The following ABHD17B variants were observed in gnomAD, a reference collection of about 807,000 sequenced individuals.
ABHD17B encodes the protein alpha/beta hydrolase domain-containing protein 17B.
In ABHD17B, 9 loss-of-function variants were observed where a neutral mutation model predicts 26.2. The ratio of observed to expected loss-of-function variants is 0.34; its 90% CI spans 0.21 to 0.60. The LOEUF (loss-of-function observed/expected upper bound fraction) is 0.60. Ranked by LOEUF, ABHD17B falls within the 20% of genes least tolerant of loss-of-function variation. The pLI is 0.80. For missense variants in ABHD17B, 224 were observed against 352.1 expected, an observed-to-expected ratio of 0.64 and a Z score of 2.91; for synonymous variants, 127 against 122.3, an observed-to-expected ratio of 1.04 and a Z score of -0.25.
At chr9:71,905,248 G>A (rs1827251402) in intron 1 of ABHD17B, among the ~76,000 whole-genome samples, 1 of 150,902 alleles carries the variant, frequency 6.6e-6, no homozygotes, top group Non-Finnish European at 1.5e-5. Flanking sequence ...TCAGCCTCCT[G>A]AGTAGCTGGG....
In ABHD17B at chr9:71,865,973, T is replaced by C; in HGVS notation, c.*814A>G. On this transcript the variant is annotated 3_prime_UTR_variant, in exon 4 of 4. Transcript: ENST00000333421. ...TTTCATACAATGAAGACTACTGCAA[T>C]TCTATGAAGACTATGAGATCAGTCA... 5.1e-6 allele frequency: 5 copies of C among 985,336 alleles called. No homozygotes were observed. In the South Asian group the frequency reaches 1.4e-4, roughly 28 times the overall value. The allele number at this position is 985,336 out of a possible 1,614,324, so 61.0% of individuals were successfully genotyped here.
At chr9:71,875,232 T>TC in intron 1 of ABHD17B, 149 bp from the exon 2 acceptor site, 1 of 648,944 alleles carries the variant, frequency 1.5e-6, no homozygotes, top group Non-Finnish European at 2.5e-6. Flanking sequence ...TTTGGCTTCT[T>TC]TTTTTTTTTT....
At chr9:71,878,113 C>T (rs1054883239) in intron 1 of ABHD17B, among the ~76,000 whole-genome samples, 5 of 150,806 alleles carry the variant, frequency 3.3e-5, no homozygotes, top group African/African-American at 1.2e-4. Flanking sequence ...GAGCAAGTTA[C>T]TGAAGAAAAA....
chr9:71,901,562 C>T (rs1211593204), intron 1 of ABHD17B, among the ~76,000 whole-genome samples: 2 of 151,920 alleles, frequency 1.3e-5, no homozygotes, highest in East Asian at 3.9e-4. Context: ...CTCTTTTTAT[C>T]GCACCTAAAC....
intron 1 of ABHD17B, among the ~76,000 whole-genome samples, chr9:71,892,464 T>C (rs749961595): frequency 1.3e-5 from 2 of 150,896 alleles, no homozygotes; most frequent in East Asian, 3.9e-4. Context: ...ACCCGGGAGG[T>C]GGAGCTTGCA....
intron 1 of ABHD17B, among the ~76,000 whole-genome samples, chr9:71,899,445 C>T (rs1282209404): frequency 6.6e-6 from 1 of 152,162 alleles, no homozygotes; most frequent in Non-Finnish European, 1.5e-5. Flanking sequence ...AGAAAGCAGG[C>T]ATTTAAGATG....
At chr9:71,870,434 C>A (rs1180181496) in intron 2 of ABHD17B, among the ~76,000 whole-genome samples, 172 bp from the exon 3 acceptor site, 1 of 152,110 alleles carries the variant, frequency 6.6e-6, no homozygotes, top group Non-Finnish European at 1.5e-5. Context: ...AAGTCTGTAT[C>A]ATCAGTTTAT....
rs1465018613 is a variant in ABHD17B, at chr9:71,866,012, C to A, written c.*775G>T. On this transcript the variant is annotated 3_prime_UTR_variant, in exon 4 of 4. Coordinates refer to ENST00000333421, the MANE Select transcript of ABHD17B (RefSeq NM_001025780.3). ...TGAGATCAGTCAAAATTTAAAACATCGTATACAAAATCATTCTTGAAATCT... is the reference window on the plus strand; with the variant it reads ...TGAGATCAGTCAAAATTTAAAACATAGTATACAAAATCATTCTTGAAATCT... The A allele has an allele frequency of 2.0e-6, 2 of 985,158 alleles. No homozygotes were observed. The highest frequency in any genetic ancestry group is 6.2e-5 in the Admixed American group (1 of 16,248). 61.0% of individuals were successfully genotyped at this position (985,158 alleles called of 1,614,324 possible).
chr9:71,897,297 A>G (rs1483105108), intron 1 of ABHD17B, among the ~76,000 whole-genome samples: 2 of 125,590 alleles, frequency 1.6e-5, no homozygotes, highest in East Asian at 4.9e-4. Context: ...TTGGGAGGCC[A>G]AGGTGGAAGG....
intron 2 of ABHD17B, among the ~76,000 whole-genome samples, chr9:71,873,474 T>C (rs1158351514): frequency 2.0e-5 from 3 of 152,184 alleles, no homozygotes; most frequent in African/African-American, 7.2e-5. Context: ...CTCAGCTCAC[T>C]GCAACCTCCG....
rs182084767 is a variant in ABHD17B at position 71,877,580 on chromosome 9, G to A, written c.-3-2497C>T. 1.4e-3 allele frequency among the ~76,000 whole-genome samples: 214 copies of A among 152,262 alleles called. 1 individual carries two copies. The highest frequency in any genetic ancestry group is 5.0e-3 in the African/African-American group (209 of 41,552). On this transcript the variant is annotated intron_variant, in intron 1 of 3. Coordinates refer to ENST00000333421, the MANE Select transcript of ABHD17B (RefSeq NM_001025780.3). The stretch of plus-strand genomic sequence containing the variant: ...TTACAGGCACACACCACCATGCCCA[G>A]CTAATTTTTGTATTTTTAGTAGAGA...
chr9:71,866,575 T>C lies in ABHD17B; in HGVS notation c.*212A>G, dbSNP rs1239993021. 4.4e-6 allele frequency: 6 copies of C among 1,356,330 alleles called. No individual in the cohort carries two copies. The highest frequency in any genetic ancestry group is 4.4e-5 in the African/African-American group (3 of 68,652). 84.0% of individuals were successfully genotyped at this position (1,356,330 alleles called of 1,614,324 possible). On this transcript the variant is annotated 3_prime_UTR_variant, in exon 4 of 4. Coordinates refer to ENST00000333421, the MANE Select transcript of ABHD17B (RefSeq NM_001025780.3). ...TAAAAAAAAATTCACAGAAAAAATA[T>C]AAATTACACAGCCTGACTGCACGGT...
At chr9:71,897,126 G>A (rs771182907) in intron 1 of ABHD17B, among the ~76,000 whole-genome samples, 1 of 152,158 alleles carries the variant, frequency 6.6e-6, no homozygotes, top group Non-Finnish European at 1.5e-5. Flanking sequence ...ACCAAGAAAA[G>A]TTACAGAAGT....
intron 1 of ABHD17B, among the ~76,000 whole-genome samples, chr9:71,890,393 T>G (rs1826747172): frequency 6.6e-6 from 1 of 152,214 alleles, no homozygotes; most frequent in Non-Finnish European, 1.5e-5. Flanking sequence ...ACTTTAGATA[T>G]TATAGCTGAA....
chr9:71,909,488 G>C (rs999099469), intron 1 of ABHD17B, among the ~76,000 whole-genome samples: 1 of 152,126 alleles, frequency 6.6e-6, no homozygotes, highest in East Asian at 1.9e-4. Flanking sequence ...AACATATGTA[G>C]AGAAACTCTT....
intron 3 of ABHD17B, among the ~76,000 whole-genome samples, chr9:71,869,472 G>A (rs1323741245): frequency 6.6e-6 from 1 of 152,092 alleles, no homozygotes; most frequent in Non-Finnish European, 1.5e-5. Context: ...ATGAAGAGTA[G>A]GTGGGAACTA....
intron 1 of ABHD17B, among the ~76,000 whole-genome samples, chr9:71,878,154 ACTGAAATAG>A (rs1826334086): frequency 6.6e-6 from 1 of 152,084 alleles, no homozygotes; most frequent in Non-Finnish European, 1.5e-5. Context: ...AAAAAAAATC[ACTGAAATAG>A]CTTGTTAAAC....
rs1826214602 is a variant in ABHD17B at position 71,874,828 on chromosome 9, G to A, written c.253C>T (p.Arg85Cys). 1.2e-6 allele frequency: 2 copies of A among 1,614,164 alleles called. No homozygotes were observed. The highest frequency in any genetic ancestry group is 1.7e-6 in the Non-Finnish European group (2 of 1,180,024). Reference sequence around the variant, plus strand: ...GTGTATTTCGCATTGGGTGAACAACGTACAAACATACAAGCAATTCTGTTG... The same window carrying A: ...GTGTATTTCGCATTGGGTGAACAACATACAAACATACAAGCAATTCTGTTG... ...KGNRIACMFVRCSPNAKYTLL... is the reference protein window; with the variant it reads ...KGNRIACMFVCCSPNAKYTLL... The change falls in exon 2 of 4, where the codon CGT becomes TGT. Residue 85 changes from arginine to cysteine, a missense_variant. Coordinates refer to ENST00000333421, the MANE Select transcript of ABHD17B (RefSeq NM_001025780.3).
rs556368711 is a variant in ABHD17B at position 71,865,795 on chromosome 9, A to G, written c.*992T>C. On this transcript the variant is annotated 3_prime_UTR_variant, in exon 4 of 4. Transcript: ENST00000333421. ...AGAATCACTTGATCCCGGGAGGCAG[A>G]GGTTGCAGTGAATCAAGATCGCGCC... is the stretch of plus-strand genomic sequence containing the variant. 625 of 784,872 alleles carry G rather than the reference A, an allele frequency of 8.0e-4. 1 individual carries two copies. The highest frequency in any genetic ancestry group is 9.1e-4 in the Non-Finnish European group (590 of 647,318). The allele number at this position is 784,872 out of a possible 1,614,324, so 48.6% of individuals were successfully genotyped here.
Sources: allele counts gnomAD v4.1 joint callset (sites outside exome capture counted in the v4.1 genomes callset), GRCh38; gene constraint gnomAD v4.1.1; transcripts MANE v1.5; gene names NCBI Gene and HGNC (gene_info 2026-07-23, HGNC 2026-07-21).